NAE1: variants seen among roughly 807,000 people sequenced by gnomAD.
The protein encoded by NAE1 is NEDD8 activating enzyme E1 subunit 1.
A neutral mutation model predicts 88.0 loss-of-function variants in NAE1; 59 were observed. That is an observed-to-expected ratio of 0.67 (90% CI 0.54 to 0.83). The LOEUF is 0.83. NAE1 is among the 40% of genes least tolerant of loss of function. The probability of loss-of-function intolerance (pLI) is 0.00; values close to 1 mark genes in which losing one functional copy is unlikely to be tolerated. For missense variants in NAE1, 554 were observed against 632.8 expected (o/e 0.88, Z 1.34); for synonymous variants, 186 against 208.9 (o/e 0.89, Z 0.95).
intron 17 of NAE1, among the ~76,000 whole-genome samples, chr16:66,807,315 T>C (rs1959603191): frequency 6.6e-6 from 1 of 152,124 alleles, no homozygotes; most frequent in South Asian, 2.1e-4. Context: ...TGTTTATTCT[T>C]TTTTTTTCTT....
intron 7 of NAE1, among the ~76,000 whole-genome samples, chr16:66,820,623 C>T (rs1280328009): frequency 1.3e-5 from 2 of 151,644 alleles, no homozygotes; most frequent in South Asian, 2.1e-4. Flanking sequence ...GCTGGGCGGC[C>T]GGGTGCGGTG....
intron 11 of NAE1, among the ~76,000 whole-genome samples, chr16:66,816,067 G>T (rs1023158847): frequency 1.3e-5 from 2 of 152,142 alleles, no homozygotes; most frequent in Non-Finnish European, 2.9e-5. Context: ...CAGCATATTT[G>T]CTGTTTTAAG....
intron 1 of NAE1, 86 bp downstream of exon 1, chr16:66,830,761 C>A (rs1369967117): frequency 2.3e-6 from 3 of 1,329,676 alleles, no homozygotes; most frequent in Middle Eastern, 2.2e-4. Flanking sequence ...TGAGGAAGGC[C>A]CGACCGCGCC....
Position 66,810,684 on chromosome 16 carries a change from C to T in NAE1, c.1110+13G>A. Reference sequence around the variant, plus strand: ...CTGAGGCCTGTATGGGCACAGTGTGCCCAGTAGCTTACCTGGCCAATGGAC... The same window carrying T: ...CTGAGGCCTGTATGGGCACAGTGTGTCCAGTAGCTTACCTGGCCAATGGAC... On this transcript the variant is annotated intron_variant, in intron 14 of 19. Transcript: ENST00000290810. 3 of 1,611,488 alleles carry T rather than the reference C, an allele frequency of 1.9e-6. No homozygotes were observed. The highest frequency in any genetic ancestry group is 1.3e-5 in the African/African-American group (1 of 74,996).
chr16:66,802,999 C>T lies in NAE1; in HGVS notation c.*10G>A, dbSNP rs746156854. On this transcript the variant is annotated 3_prime_UTR_variant, in exon 20 of 20. Coordinates refer to ENST00000290810, the MANE Select transcript of NAE1 (RefSeq NM_003905.4). The stretch of plus-strand genomic sequence containing the variant: ...AATCATTAACACACTACTTAAGGTG[C>T]TTGCTTACTCTACAACTGGAAAGTT... 3.9e-6 allele frequency: 6 copies of T among 1,527,666 alleles called. No individual in the cohort carries two copies. The African/African-American group carries it at 8.2e-5, about 21-fold the overall frequency. The allele number at this position is 1,527,666 out of a possible 1,614,324, so 94.6% of individuals were successfully genotyped here.
At position 66,802,880 on chromosome 16, in the gene NAE1, AC is replaced by A; in HGVS notation, c.*128del. On this transcript the variant is annotated 3_prime_UTR_variant, in exon 20 of 20. Transcript: ENST00000290810. ...CCACAAAGAACAAGACTACATTATT[AC>A]AAATGAGAAAAATGTTTATTAAGAA... is the stretch of plus-strand genomic sequence containing the variant. 6.0e-6 allele frequency: 4 copies of A among 665,062 alleles called. No homozygotes were observed. The highest frequency in any genetic ancestry group is 1.1e-5 in the Non-Finnish European group (4 of 378,540). The allele number at this position is 665,062 out of a possible 1,614,324, so 41.2% of individuals were successfully genotyped here.
intron 6 of NAE1, among the ~76,000 whole-genome samples, chr16:66,822,125 G>C (rs1480103128): frequency 6.6e-6 from 1 of 152,084 alleles, no homozygotes; most frequent in East Asian, 1.9e-4. Context: ...GTCTCAGCCT[G>C]GTTCTGCTGG....
At chr16:66,828,723 G>A (rs573760884) in intron 1 of NAE1, among the ~76,000 whole-genome samples, 191 of 151,830 alleles carry the variant, frequency 1.3e-3, no homozygotes, top group Middle Eastern at 3.4e-3. Context: ...CAGGCACTGT[G>A]GCTCATGCCT....
Position 66,818,519 on chromosome 16 carries a change from A to G in NAE1, c.621+9T>C. On this transcript the variant is annotated intron_variant, in intron 8 of 19. Coordinates refer to ENST00000290810, the MANE Select transcript of NAE1 (RefSeq NM_003905.4). ...TATCTGTAAATGTAAGGTCACACACACTACCAACCTTTTTTTCCATATGAT... is the reference window on the plus strand; with the variant it reads ...TATCTGTAAATGTAAGGTCACACACGCTACCAACCTTTTTTTCCATATGAT... 6.2e-7 allele frequency: 1 copy of G among 1,602,630 alleles called. No homozygotes were observed. The highest frequency in any genetic ancestry group is 8.5e-7 in the Non-Finnish European group (1 of 1,174,956).
Position 66,828,171 on chromosome 16 carries a change from A to G in NAE1, c.54-1391T>C, listed in dbSNP as rs560104213. ...ACATATATGGTTGATGGATGCTTAGATAGTTGGAGAGTAAATTTAAGAATA... is the reference window on the plus strand; with the variant it reads ...ACATATATGGTTGATGGATGCTTAGGTAGTTGGAGAGTAAATTTAAGAATA... On this transcript the variant is annotated intron_variant, in intron 1 of 19. Coordinates refer to ENST00000290810, the MANE Select transcript of NAE1 (RefSeq NM_003905.4). The G allele has an allele frequency of 4.3e-6, 4 of 930,180 alleles. No homozygotes were observed. In the South Asian group the frequency reaches 6.1e-5, roughly 14 times the overall value. 57.6% of individuals were successfully genotyped at this position (930,180 alleles called of 1,614,324 possible). A position where few individuals can be genotyped will look rare whatever the true frequency, so the allele number is the denominator to read the frequency against.
At chr16:66,807,461 G>C (rs945024252) in intron 17 of NAE1, among the ~76,000 whole-genome samples, 1 of 152,010 alleles carries the variant, frequency 6.6e-6, no homozygotes, top group Non-Finnish European at 1.5e-5. Context: ...CCAACACGGA[G>C]AAACCCTGTT....
chr16:66,818,265 G>T (rs983054913), intron 8 of NAE1, among the ~76,000 whole-genome samples: 2 of 152,012 alleles, frequency 1.3e-5, no homozygotes, highest in East Asian at 3.9e-4. Context: ...TCCCCACCTG[G>T]AATAGGTTAA....
At chr16:66,822,071 T>C (rs1356170029) in intron 6 of NAE1, among the ~76,000 whole-genome samples, 1 of 152,202 alleles carries the variant, frequency 6.6e-6, no homozygotes, top group Non-Finnish European at 1.5e-5. Flanking sequence ...TTTGCCATGT[T>C]GCCCAGGTGG....
At chr16:66,820,969 T>A (rs1042014228) in intron 7 of NAE1, among the ~76,000 whole-genome samples, 23 of 151,268 alleles carry the variant, frequency 1.5e-4, no homozygotes, top group African/African-American at 5.4e-4. Context: ...CTTGGGAGGC[T>A]GAGGCAGGAG....
rs1959913570 is a variant in NAE1, at chr16:66,813,675, G to A, written c.923C>T (p.Ala308Val). The A allele has an allele frequency of 5.6e-6, 9 of 1,613,834 alleles. No individual in the cohort carries two copies. The highest frequency in any genetic ancestry group is 2.7e-5 in the African/African-American group (2 of 75,038). ...GGCCACAAATTCCTTTAAGGCACGAGCTAAAATCCAAAATGATGGAGTCTA... is the reference window on the plus strand; with the variant it reads ...GGCCACAAATTCCTTTAAGGCACGAACTAAAATCCAAAATGATGGAGTCTA... ...TKQTPSFWIL[A>V]RALKEFVAKE... is the part of the protein sequence containing the mutation. The change falls in exon 13 of 20, where the codon GCT becomes GTT. Residue 308 changes from alanine (A) to valine (V), a missense_variant. By Grantham distance (64) the Ala-to-Val change is moderately conservative. Coordinates refer to ENST00000290810, the MANE Select transcript of NAE1 (RefSeq NM_003905.4).
chr16:66,822,779 CTT>C lies in NAE1; in HGVS notation c.401+446_401+447del, dbSNP rs200715141. ...CCACCTCCCTGATTCAAGCGATTCTCTTGTCTCAGCTTCCCGAGTAGCTGGGA... is the reference window on the plus strand; with the variant it reads ...CCACCTCCCTGATTCAAGCGATTCTCGTCTCAGCTTCCCGAGTAGCTGGGA... On this transcript the variant is annotated intron_variant, in intron 6 of 19. Coordinates refer to ENST00000290810, the MANE Select transcript of NAE1 (RefSeq NM_003905.4). Among the ~76,000 whole-genome samples the C allele has an allele frequency of 9.0e-3, 1,344 of 149,650 alleles. 18 individuals carry two copies. The highest frequency in any genetic ancestry group is 0.031 in the African/African-American group (1,277 of 41,124).
chr16:66,804,845 A>C (rs1031571391), intron 19 of NAE1, among the ~76,000 whole-genome samples: 9 of 151,898 alleles, frequency 5.9e-5, no homozygotes, highest in Admixed American at 5.2e-4. Context: ...CACAGAAGAG[A>C]GAGCTGCCTA....
At chr16:66,826,451 C>T in intron 3 of NAE1, 72 bp downstream of exon 3, 1 of 1,410,946 alleles carries the variant, frequency 7.1e-7, no homozygotes, top group Non-Finnish European at 1.0e-6. Context: ...GTCACCCTGA[C>T]TGAGGAGGTG....
chr16:66,803,072 T>C lies in NAE1; in HGVS notation c.1542A>G (p.Val514=), dbSNP rs776147375. 103 of 1,612,752 alleles carry C rather than the reference T, an allele frequency of 6.4e-5. No homozygotes were observed. Among genetic ancestry groups the C allele is most frequent in the Non-Finnish European group, 8.4e-5 (99 of 1,179,370 alleles). The part of the protein sequence containing the change: ...EVIKIITKQF[V]IFNNTYIYSG... The stretch of plus-strand genomic sequence containing the variant: ...TGTAAATGTAAGTATTATTAAAAAT[T>C]ACAAATTGTTTGGTGATTATTTTGA... The change falls in exon 20 of 20, where the codon GTA becomes GTG. Residue 514 remains valine, a synonymous_variant. Transcript: ENST00000290810.
Sources: allele counts gnomAD v4.1 joint callset (sites outside exome capture counted in the v4.1 genomes callset), GRCh38; gene constraint gnomAD v4.1.1; transcripts MANE v1.5; gene names NCBI Gene and HGNC (gene_info 2026-07-23, HGNC 2026-07-21).